Variants in LLGL1 observed in about 807,000 individuals in gnomAD.
The protein encoded by LLGL1 is LLGL scribble cell polarity complex component 1.
In LLGL1, 58 loss-of-function variants were observed where a neutral mutation model predicts 110.6. The ratio of observed to expected loss-of-function variants is 0.52; its 90% CI spans 0.42 to 0.65. The LOEUF (loss-of-function observed/expected upper bound fraction) is 0.65. Among genes scored for constraint, LLGL1 ranks in the 30% least tolerant of loss-of-function variants. The pLI, the probability that LLGL1 is intolerant of heterozygous loss-of-function variation, is 0.00. For missense variants in LLGL1, 1,229 were observed against 1,462.1 expected (o/e 0.84, Z 2.60); for synonymous variants, 674 against 607.2 (o/e 1.11, Z -1.62).
At chr17:18,235,344 G>A (rs773280875) in intron 10 of LLGL1, 32 bp downstream of exon 10, 14 of 1,607,606 alleles carry the variant, frequency 8.7e-6, no homozygotes, top group African/African-American at 1.3e-5. Context: ...GTCTTACAGG[G>A]TGGAGTCTTG....
intron 1 of LLGL1, among the ~76,000 whole-genome samples, chr17:18,229,715 G>A (rs559935186): frequency 6.6e-6 from 1 of 152,276 alleles, no homozygotes; most frequent in Admixed American, 6.5e-5. Flanking sequence ...TATGCACGCG[G>A]TACAGTCATG....
rs1210240383 is a variant in LLGL1, at chr17:18,233,910, G to A, written c.525G>A (p.Thr175=). 3 of 1,612,994 alleles carry A rather than the reference G, an allele frequency of 1.9e-6. No homozygotes were observed. The highest frequency in any genetic ancestry group is 2.2e-5 in the East Asian group (1 of 44,876). Residue 175 remains threonine, a synonymous_variant, in exon 5 of 23, where the codon ACG becomes ACA. Transcript: ENST00000316843. ...VTTLTLLEGQ[T]LAPGEVLRSV... is the part of the protein sequence containing the mutation. ...CCCTGACCCTGCTCGAGGGGCAGAC[G>A]CTTGCCCCAGGCGAGGTTCTGCGCA...
At chr17:18,232,392 C>G (rs543001725) in intron 2 of LLGL1, 103 bp from the exon 3 acceptor site, 1 of 1,042,858 alleles carries the variant, frequency 9.6e-7, no homozygotes, top group South Asian at 1.6e-5. Context: ...AGGCCCATGC[C>G]GGGGCCCACT....
At chr17:18,238,245 G>A (rs754466393) in intron 15 of LLGL1, 31 bp downstream of exon 15, 58 of 1,606,898 alleles carry the variant, frequency 3.6e-5, no homozygotes, top group Non-Finnish European at 4.8e-5. Flanking sequence ...CAGGAGCTGT[G>A]CCTGTGTCCT....
intron 16 of LLGL1, among the ~76,000 whole-genome samples, chr17:18,239,550 A>C (rs1415364617): frequency 2.6e-5 from 4 of 152,068 alleles, no homozygotes; most frequent in African/African-American, 9.7e-5. Flanking sequence ...CCCAGATACA[A>C]GTACTTCAGC....
At chr17:18,242,127 C>A in intron 19 of LLGL1, 39 bp from the exon 20 acceptor site, 1 of 1,576,330 alleles carries the variant, frequency 6.3e-7, no homozygotes, top group South Asian at 1.1e-5. Flanking sequence ...AGCCTCAAGT[C>A]ATCCACCTAT....
intron 2 of LLGL1, among the ~76,000 whole-genome samples, chr17:18,231,414 G>C (rs929984214): frequency 6.6e-6 from 1 of 152,240 alleles, no homozygotes; most frequent in African/African-American, 2.4e-5. Flanking sequence ...CGGCTCCTGT[G>C]TTGTCACCGG....
chr17:18,233,102 A>G lies in LLGL1; in HGVS notation c.392+300A>G, dbSNP rs186161652. On this transcript the variant is annotated intron_variant, in intron 4 of 22. Transcript: ENST00000316843. The stretch of plus-strand genomic sequence containing the variant: ...TCTAGGACCTGAGGCCTGGCACTAC[A>G]CTTACTGCAATGATGGGGGTGTCTA... Among the ~76,000 whole-genome samples the G allele has an allele frequency of 1.3e-5, 2 of 152,298 alleles. 1 individual carries two copies. Among genetic ancestry groups the G allele is most frequent in the Admixed American group, 1.3e-4 (2 of 15,306 alleles).
intron 10 of LLGL1, 28 bp downstream of exon 10, chr17:18,235,340 C>G (rs780249585): frequency 1.9e-6 from 3 of 1,607,556 alleles, no homozygotes; most frequent in Non-Finnish European, 2.5e-6. Context: ...GGGGGTCTTA[C>G]AGGGTGGAGT....
intron 1 of LLGL1, among the ~76,000 whole-genome samples, chr17:18,229,100 G>A (rs2047513151): frequency 6.6e-6 from 1 of 152,216 alleles, no homozygotes; most frequent in Non-Finnish European, 1.5e-5. Context: ...CCACGTGGGT[G>A]TCCTGCACTG....
chr17:18,226,130 G>A (rs1402725662), intron 1 of LLGL1, among the ~76,000 whole-genome samples: 1 of 152,126 alleles, frequency 6.6e-6, no homozygotes, highest in Non-Finnish European at 1.5e-5. Flanking sequence ...GTGCCTGTGT[G>A]TGTGGTGGGG....
Position 18,241,625 on chromosome 17 carries a change from C to T in LLGL1, c.2677C>T (p.Pro893Ser), listed in dbSNP as rs1179261251. Residue 893 changes from proline (P) to serine (S), a missense_variant, in exon 18 of 23, where the codon CCT (proline) becomes TCT (serine). Transcript: ENST00000316843. ...GGGTGACGTCCACGTCTTCTCGGTG[C>T]CTGGCCTGCGGCCCCAGGTGCACTA... ...NLGDVHVFSV[P>S]GLRPQVHYSC... The T allele has an allele frequency of 6.2e-7, 1 of 1,613,692 alleles. No homozygotes were observed. The highest frequency in any genetic ancestry group is 8.5e-7 in the Non-Finnish European group (1 of 1,180,024).
rs765210628 is a variant in LLGL1 at position 18,238,460 on chromosome 17, A to C, written c.2057A>C (p.Gln686Pro). The change falls in exon 16 of 23, where the codon CAG becomes CCG. Residue 686 changes from glutamine to proline, a missense_variant. By Grantham distance (76) the Gln-to-Pro change is moderately conservative. Coordinates refer to ENST00000316843, the MANE Select transcript of LLGL1 (RefSeq NM_004140.4). The part of the protein sequence containing the change: ...KRAANASSKL[Q>P]EANAQLAEQA... ...TCAGGAGCCCCCGCCCGGCAGTTGC[A>C]GGAAGCCAATGCACAGCTGGCTGAG... 6.8e-6 allele frequency: 11 copies of C among 1,607,346 alleles called. No homozygotes were observed. Among genetic ancestry groups the C allele is most frequent in the Non-Finnish European group, 9.4e-6 (11 of 1,176,462 alleles).
chr17:18,231,315 C>T (rs557604759), intron 2 of LLGL1, among the ~76,000 whole-genome samples: 15 of 152,328 alleles, frequency 9.8e-5, no homozygotes, highest in African/African-American at 2.9e-4. Context: ...CCCTGGTTCC[C>T]GCCCAGCTGC....
At chr17:18,228,192 G>C (rs2047493429) in intron 1 of LLGL1, among the ~76,000 whole-genome samples, 1 of 152,260 alleles carries the variant, frequency 6.6e-6, no homozygotes, top group Admixed American at 6.5e-5. Context: ...TGGGATGGTA[G>C]CCAGTGCTGT....
intron 16 of LLGL1, among the ~76,000 whole-genome samples, chr17:18,239,724 C>T (rs1434849257): frequency 1.3e-5 from 2 of 151,670 alleles, no homozygotes; most frequent in East Asian, 1.9e-4. Context: ...CTGGATGTGG[C>T]GGGTGCAGCT....
In LLGL1 at chr17:18,240,676, C is replaced by T. The variant is rs746829631; in HGVS notation, c.2305C>T (p.Arg769Trp). 49 of 1,613,122 alleles carry T rather than the reference C, an allele frequency of 3.0e-5. No individual in the cohort carries two copies. Among genetic ancestry groups the T allele is most frequent in the South Asian group, 8.8e-5 (8 of 91,034 alleles). Residue 769 changes from arginine to tryptophan, a missense_variant, in exon 17 of 23, where the codon CGG (arginine) becomes TGG (tryptophan). Transcript: ENST00000316843. This position sits in a 1 kb window ranked among gnomAD's most constrained non-coding sequence, Gnocchi z 5.3. ...VPAAAVGGEK[R>W]PEQAVEAVLG... Reference sequence around the variant, plus strand: ...GGCAGCAGCAGTGGGTGGTGAGAAGCGGCCTGAGCAAGCGGTGGAGGCCGT... The same window carrying T: ...GGCAGCAGCAGTGGGTGGTGAGAAGTGGCCTGAGCAAGCGGTGGAGGCCGT...
rs372420374 is a variant in LLGL1, at chr17:18,232,581, G to T, written c.261+5G>T. Reference sequence around the variant, plus strand: ...ATGCACTTCTTGACCGGCCAGGTGAGCCTCTGCTTCCCACTAGCCAGCTCC... The same window carrying T: ...ATGCACTTCTTGACCGGCCAGGTGATCCTCTGCTTCCCACTAGCCAGCTCC... On this transcript the variant is annotated splice_donor_5th_base_variant and intron_variant, in intron 3 of 22. Transcript: ENST00000316843. The T allele has an allele frequency of 6.2e-7, 1 of 1,613,974 alleles. No homozygotes were observed. The highest frequency in any genetic ancestry group is 1.7e-5 in the Admixed American group (1 of 59,992).
rs1567692137 is a variant in LLGL1, at chr17:18,237,384, G to GCCCC, written c.1612-97_1612-96insCCCC. On this transcript the variant is annotated intron_variant, in intron 13 of 22. Transcript: ENST00000316843. ...TGAAGACAGTCCTAGAACCACCTTG[G>GCCCC]TGGTGGCTGGGGCTGCTTCAGAGGC... is the stretch of plus-strand genomic sequence containing the variant. 4.9e-6 allele frequency: 6 copies of GCCCC among 1,235,884 alleles called. No homozygotes were observed. The Admixed American group carries it at 1.7e-4, about 35-fold the overall frequency. The allele number at this position is 1,235,884 out of a possible 1,614,324, so 76.6% of individuals were successfully genotyped here. A position where few individuals can be genotyped will look rare whatever the true frequency, so the allele number is the denominator to read the frequency against.
Sources: gnomAD v4.1 joint callset for allele counts (sites outside exome capture counted in the v4.1 genomes callset) on GRCh38, gnomAD v4.1.1 for gene constraint, Gnocchi (gnomAD v3.1) non-coding constraint, MANE v1.5 for transcripts, NCBI Gene and HGNC (gene_info 2026-07-23, HGNC 2026-07-21) for gene names.